Variants in FOXM1 observed in about 807,000 individuals in gnomAD.
FOXM1 encodes the protein forkhead box protein M1.
FOXM1 carries 25 observed loss-of-function variants against 63.6 expected under a neutral mutation model. That is an observed-to-expected ratio of 0.39 (90% CI 0.29 to 0.55). FOXM1 has a LOEUF of 0.55. Ranked by LOEUF, FOXM1 falls within the 20% of genes least tolerant of loss-of-function variation. FOXM1 has a pLI of 0.60. For synonymous variants in FOXM1, 387 were observed against 376.9 expected, an observed-to-expected ratio of 1.03 and a Z score of -0.31; for missense variants, 879 against 958.7, an observed-to-expected ratio of 0.92 and a Z score of 1.10.
At position 2,876,980 on chromosome 12, in the gene FOXM1, T is replaced by A. The variant is rs1415675069; in HGVS notation, c.-108A>T. ...GCTCCGAAGGCGGGCTCCGGGCTCC[T>A]CCAACCTGGGGGCCGAGCCAGGGCC... On this transcript the variant is annotated 5_prime_UTR_variant, in exon 1 of 9. Transcript: ENST00000359843. The A allele has an allele frequency of 6.6e-6, 1 of 151,820 alleles. No individual in the cohort carries two copies. The highest frequency in any genetic ancestry group is 1.5e-5 in the Non-Finnish European group (1 of 68,000). The allele number at this position is 151,820 out of a possible 1,614,324, so 9.4% of individuals were successfully genotyped here.
intron 2 of FOXM1, 62 bp downstream of exon 2, chr12:2,873,915 C>T: frequency 6.5e-7 from 1 of 1,528,770 alleles, no homozygotes; most frequent in Non-Finnish European, 8.9e-7. Context: ...ACTGACTACA[C>T]ACCTTGCCAC....
Position 2,858,308 on chromosome 12 carries a change from A to G in FOXM1, c.*330T>C, listed in dbSNP as rs2153930725. 1 of 282,594 alleles carries G rather than the reference A, an allele frequency of 3.5e-6. No individual in the cohort carries two copies. The highest frequency in any genetic ancestry group is 6.6e-6 in the Non-Finnish European group (1 of 150,866). 17.5% of individuals were successfully genotyped at this position (282,594 alleles called of 1,614,324 possible). ...TGGAGAATTTATACTATTTACACGG[A>G]CCACCCTGCAAAGATCAGGGAAGGT... On this transcript the variant is annotated 3_prime_UTR_variant, in exon 9 of 9. Transcript: ENST00000359843.
At position 2,858,832 on chromosome 12, in the gene FOXM1, G is replaced by A; in HGVS notation, c.2098C>T (p.Pro700Ser). 6.2e-7 allele frequency: 1 copy of A among 1,614,210 alleles called. No individual in the cohort carries two copies. Among genetic ancestry groups the A allele is most frequent in the Non-Finnish European group, 8.5e-7 (1 of 1,180,042 alleles). ...TGTGGCTCCGGGGAGCCTGGCTTGG[G>A]GACGTCTATATCTGAGGGAGAAGAG... The part of the protein sequence containing the change: ...GNSSPSDIDV[P>S]KPGSPEPQVS... Residue 700 changes from proline to serine, a missense_variant, in exon 9 of 9, where the codon CCC becomes TCC. Physicochemically the swap from Pro to Ser is moderately conservative, Grantham distance 74. Transcript: ENST00000359843.
In FOXM1 at chr12:2,858,973, G is replaced by T. The variant is rs779597736; in HGVS notation, c.1957C>A (p.Pro653Thr). 2.5e-6 allele frequency: 4 copies of T among 1,613,328 alleles called. No individual in the cohort carries two copies. In the African/African-American group the frequency reaches 5.3e-5, roughly 22 times the overall value. The change falls in exon 9 of 9, where the codon CCC becomes ACC. Residue 653 changes from proline to threonine, a missense_variant. Physicochemically the swap from Pro to Thr is conservative, Grantham distance 38 (BLOSUM62 -1). Coordinates refer to ENST00000359843, the MANE Select transcript of FOXM1 (RefSeq NM_021953.4). ...GTGCTGAGATCCATCAGCCCCAGGG[G>T]GTCAGGCAAGGGGTCAGAGGCACCC... ...SQGASDPLPD[P>T]LGLMDLSTTP...
In FOXM1 at chr12:2,863,208, G is replaced by A. The variant is rs529618091; in HGVS notation, c.1266+1112C>T. Among the ~76,000 whole-genome samples, 3 of 152,214 alleles carry A rather than the reference G, an allele frequency of 2.0e-5. No individual in the cohort carries two copies. In the South Asian group the frequency reaches 6.2e-4, roughly 32 times the overall value. On this transcript the variant is annotated intron_variant, in intron 8 of 8. Transcript: ENST00000359843. ...ACTGCTAAACACCCTTCAGTGCACA[G>A]GACAGTCCCTCCCACGCCCAACAAA...
chr12:2,874,487 T>C lies in FOXM1; in HGVS notation c.-9A>G. The C allele has an allele frequency of 6.3e-7, 1 of 1,597,734 alleles. No individual in the cohort carries two copies. Among genetic ancestry groups the C allele is most frequent in the Non-Finnish European group, 8.5e-7 (1 of 1,173,940 alleles). ...CGGGGGCTAGTTTTCATTATGAATC[T>C]GCGTTTTCACTCTCCATTGAGAATC... On this transcript the variant is annotated 5_prime_UTR_variant, in exon 2 of 9. Transcript: ENST00000359843. This position sits in a 1 kb window ranked among gnomAD's most constrained non-coding sequence, Gnocchi z 4.3.
chr12:2,864,634 A>G lies in FOXM1; in HGVS notation c.1090+49T>C, dbSNP rs1408236120. On this transcript the variant is annotated intron_variant, in intron 7 of 8. Coordinates refer to ENST00000359843, the MANE Select transcript of FOXM1 (RefSeq NM_021953.4). This position sits in a 1 kb window ranked among gnomAD's most constrained non-coding sequence, Gnocchi z 5.1. ...TCCCAGAGTCTGGTTCCCTAAAGATATGGCCCCAGAACAAGGACCAGGCCC... is the reference window on the plus strand; with the variant it reads ...TCCCAGAGTCTGGTTCCCTAAAGATGTGGCCCCAGAACAAGGACCAGGCCC... The G allele has an allele frequency of 4.4e-6, 7 of 1,601,956 alleles. No homozygotes were observed. In the East Asian group the frequency reaches 6.7e-5, roughly 15 times the overall value.
chr12:2,865,369 C>T lies in FOXM1; in HGVS notation c.1006G>A (p.Glu336Lys), dbSNP rs148049927. 4.2e-5 allele frequency: 67 copies of T among 1,610,534 alleles called. No homozygotes were observed. The highest frequency in any genetic ancestry group is 1.3e-4 in the African/African-American group (10 of 74,850). ...PLDPGSPQLP[E>K]HLESQQKRPN... ...AAGAACCTTACTGATTCCAAGTGCTCGGGCAATTGTGGAGACCCTGGGTCC... is the reference window on the plus strand; with the variant it reads ...AAGAACCTTACTGATTCCAAGTGCTTGGGCAATTGTGGAGACCCTGGGTCC... Residue 336 changes from glutamate to lysine, a missense_variant, in exon 6 of 9, where the codon GAG becomes AAG. This residue lies in a region of FOXM1 where 76 missense variants were observed against 94.5 expected (regional missense o/e 0.80). Transcript: ENST00000359843.
In FOXM1 at chr12:2,864,534, G is replaced by A. The variant is rs373060552; in HGVS notation, c.1091-39C>T. The A allele has an allele frequency of 6.3e-7, 1 of 1,597,590 alleles. No individual in the cohort carries two copies. The highest frequency in any genetic ancestry group is 1.3e-5 in the African/African-American group (1 of 74,510). On this transcript the variant is annotated intron_variant, in intron 7 of 8. Transcript: ENST00000359843. This position sits in a 1 kb window ranked among gnomAD's most constrained non-coding sequence, Gnocchi z 5.1. ...CGAGAGATCAGGAGCAGGGGGACTGGAGTACACCCCTTCTCAGCCCCAGGA... is the reference window on the plus strand; with the variant it reads ...CGAGAGATCAGGAGCAGGGGGACTGAAGTACACCCCTTCTCAGCCCCAGGA...
rs2153931426 is a variant in FOXM1 at position 2,859,181 on chromosome 12, G to C, written c.1749C>G (p.Asp583Glu). The C allele has an allele frequency of 6.2e-7, 1 of 1,610,280 alleles. No homozygotes were observed. Among genetic ancestry groups the C allele is most frequent in the Non-Finnish European group, 8.5e-7 (1 of 1,177,910 alleles). Residue 583 changes from aspartate (D) to glutamate (E), a missense_variant, in exon 9 of 9, where the codon GAC (aspartate) becomes GAG (glutamate). Asp to Glu is a conservative substitution (Grantham distance 45). Around this residue, in one of 4 missense-constraint regions of FOXM1, gnomAD observed 486 missense variants for 453.5 expected, o/e 1.07. Coordinates refer to ENST00000359843, the MANE Select transcript of FOXM1 (RefSeq NM_021953.4). ...GGGAGTAGCTGAGCTGGGAGGCAGG[G>C]TCAGAGGAGTCTGCTGGGAACGGGA... ...AELPFPADSSDPASQLSYSQE... is the reference protein window; with the variant it reads ...AELPFPADSSEPASQLSYSQE...
Position 2,864,395 on chromosome 12 carries a change from C to T in FOXM1, c.1191G>A (p.Val397=), listed in dbSNP as rs150896611. The T allele has an allele frequency of 1.2e-5, 19 of 1,614,014 alleles. No individual in the cohort carries two copies. The highest frequency in any genetic ancestry group is 1.5e-5 in the Non-Finnish European group (18 of 1,180,026). The change falls in exon 8 of 9, where the codon GTG becomes GTA. Residue 397 remains valine (V), a synonymous_variant. Transcript: ENST00000359843. This position sits in a 1 kb window ranked among gnomAD's most constrained non-coding sequence, Gnocchi z 5.1. ...TGAGGGAAGCCGCCAGGGGCAATGG[C>T]ACCTTCACCGAGGGCTGCAACACCA... The part of the protein sequence containing the change: ...QSLVLQPSVK[V]PLPLAASLMS...
At chr12:2,859,777 A>C in intron 8 of FOXM1, 114 bp from the exon 9 acceptor site, 1 of 742,630 alleles carries the variant, frequency 1.3e-6, no homozygotes, top group Non-Finnish European at 2.1e-6. Flanking sequence ...AAATCTATTA[A>C]ATATGAGAAT....
Position 2,859,003 on chromosome 12 carries a change from A to G in FOXM1, c.1927T>C (p.Ser643Pro), listed in dbSNP as rs3742076. ...GGLDFSPVQT[S>P]QGASDPLPDP... The stretch of plus-strand genomic sequence containing the variant: ...GGCAAGGGGTCAGAGGCACCCTGGG[A>G]GGTTTGTACTGGGCTGAAATCCAGT... The change falls in exon 9 of 9, where the codon TCC becomes CCC. Residue 643 changes from serine to proline, a missense_variant. Coordinates refer to ENST00000359843, the MANE Select transcript of FOXM1 (RefSeq NM_021953.4). 294,249 of 1,611,960 alleles carry G rather than the reference A, an allele frequency of 0.18. 33,291 individuals are homozygous for G. Among genetic ancestry groups the G allele is most frequent in the African/African-American group, 0.53 (39,784 of 74,798 alleles).
chr12:2,858,900 A>G lies in FOXM1; in HGVS notation c.2030T>C (p.Leu677Pro). The change falls in exon 9 of 9, where the codon CTC becomes CCC. Residue 677 changes from leucine to proline, a missense_variant. Transcript: ENST00000359843. Reference protein sequence around the residue: ...APPLESPQRLLSSEPLDLISV... With the variant: ...APPLESPQRLPSSEPLDLISV... ...GATGAGGTCTAAGGGTTCTGAACTG[A>G]GGAGCCTTTGCGGTGATTCAAGGGG... The G allele has an allele frequency of 9.3e-6, 15 of 1,613,968 alleles. No individual in the cohort carries two copies. Among genetic ancestry groups the G allele is most frequent in the Non-Finnish European group, 1.3e-5 (15 of 1,179,990 alleles).
chr12:2,861,775 G>GA (rs1212870605), intron 8 of FOXM1, among the ~76,000 whole-genome samples: 1 of 152,210 alleles, frequency 6.6e-6, no homozygotes, highest in Non-Finnish European at 1.5e-5. Context: ...TGGAATGGCT[G>GA]AAAAATCTGT....
intron 8 of FOXM1, among the ~76,000 whole-genome samples, chr12:2,861,866 C>G (rs184571308): frequency 2.0e-5 from 3 of 152,138 alleles, no homozygotes; most frequent in Non-Finnish European, 2.9e-5. Flanking sequence ...GGAAGAAATT[C>G]CATGAGGCAT....
Position 2,875,150 on chromosome 12 carries a change from G to A in FOXM1, c.-47-625C>T, listed in dbSNP as rs1047715548. 1.4e-3 allele frequency among the ~76,000 whole-genome samples: 220 copies of A among 152,006 alleles called. 2 individuals are homozygous for A. Among genetic ancestry groups the A allele is most frequent in the African/African-American group, 2.4e-4 (10 of 41,470 alleles). On this transcript the variant is annotated intron_variant, in intron 1 of 8. Coordinates refer to ENST00000359843, the MANE Select transcript of FOXM1 (RefSeq NM_021953.4). The stretch of plus-strand genomic sequence containing the variant: ...TGGGATTACAGGTGCCCACCACCAC[G>A]CCCGGCTAGTTTTTGTATTTTTAGT...
In FOXM1 at chr12:2,874,301, C is replaced by G. The variant is rs2098138248; in HGVS notation, c.178G>C (p.Ala60Pro). 13 of 1,614,156 alleles carry G rather than the reference C, an allele frequency of 8.1e-6. No homozygotes were observed. In the East Asian group the frequency reaches 2.9e-4, roughly 36 times the overall value. ...GGGTGGTTAATAATCTTGATCCCAG[C>G]TGGAAACTTGCAAGAGTTGGACTCT... is the stretch of plus-strand genomic sequence containing the variant. ...VAESNSCKFP[A>P]GIKIINHPTM... Residue 60 changes from alanine (A) to proline (P), a missense_variant, in exon 2 of 9, where the codon GCT becomes CCT. Coordinates refer to ENST00000359843, the MANE Select transcript of FOXM1 (RefSeq NM_021953.4). The surrounding 1 kb of genome is among the most constrained non-coding windows in gnomAD (Gnocchi z 4.3).
rs2098139168 is a variant in FOXM1, at chr12:2,874,739, G to A, written c.-47-214C>T. Among the ~76,000 whole-genome samples the A allele has an allele frequency of 6.6e-6, 1 of 152,214 alleles. No individual in the cohort carries two copies. The highest frequency in any genetic ancestry group is 2.1e-4 in the South Asian group (1 of 4,820). ...TTACAGCAGACAGAAGCAATTCAAA[G>A]GGCAAAAATGGGACTGGGTTGGAGA... On this transcript the variant is annotated intron_variant, in intron 1 of 8. Coordinates refer to ENST00000359843, the MANE Select transcript of FOXM1 (RefSeq NM_021953.4). This position sits in a 1 kb window ranked among gnomAD's most constrained non-coding sequence, Gnocchi z 4.3.
Sources: allele counts gnomAD v4.1 joint callset (sites outside exome capture counted in the v4.1 genomes callset), GRCh38; gene constraint gnomAD v4.1.1; regional missense constraint gnomAD v4.1.1; non-coding constraint Gnocchi (gnomAD v3.1); transcripts MANE v1.5; gene names NCBI Gene and HGNC (gene_info 2026-07-23, HGNC 2026-07-21).